Variants in LRP5 observed in about 807,000 individuals in gnomAD.
The protein encoded by LRP5 is LDL receptor related protein 5.
Under a neutral mutation model 154.1 loss-of-function variants are expected in LRP5, and 62 were observed. The ratio of observed to expected loss-of-function variants is 0.40; its 90% confidence interval spans 0.33 to 0.50. LRP5 has a LOEUF of 0.50. Among genes scored for constraint, LRP5 ranks in the 20% least tolerant of loss-of-function variants. The probability of loss-of-function intolerance (pLI) is 0.55; values close to 1 mark genes in which losing one functional copy is unlikely to be tolerated. For synonymous variants in LRP5, 966 were observed against 1,011.5 expected (o/e 0.96, Z 0.85); for missense variants, 1,915 against 2,336.7 (o/e 0.82, Z 3.72).
the LRP5 span, among the ~76,000 whole-genome samples, chr11:68,303,379 G>A: frequency 2.0e-5 from 3 of 152,294 alleles, no homozygotes; most frequent in Non-Finnish European, 2.9e-5. Flanking sequence ...GGTCACTTTC[G>A]TTATGCCTTA....
intron 1 of LRP5, among the ~76,000 whole-genome samples, chr11:68,314,446 G>T (rs1289619617): frequency 6.6e-6 from 1 of 152,214 alleles, no homozygotes; most frequent in Non-Finnish European, 1.5e-5. Flanking sequence ...TGGAAGGAAA[G>T]GGAGGAATCT....
intron 1 of LRP5, among the ~76,000 whole-genome samples, chr11:68,324,831 C>T (rs2098598739): frequency 6.6e-6 from 1 of 152,148 alleles, no homozygotes. Context: ...GCTGTGGGTC[C>T]CTGGGTTGGG....
At chr11:68,414,306 C>T (rs2098661307) in intron 12 of LRP5, among the ~76,000 whole-genome samples, 2 of 152,194 alleles carry the variant, frequency 1.3e-5, no homozygotes, top group Admixed American at 6.5e-5. Flanking sequence ...CTCATACTGC[C>T]AGCACAGTGC....
intron 5 of LRP5, among the ~76,000 whole-genome samples, chr11:68,375,458 C>A (rs1373012453): frequency 6.6e-6 from 1 of 152,214 alleles, no homozygotes; most frequent in Non-Finnish European, 1.5e-5. Flanking sequence ...CCTGCTCGTG[C>A]TGTGCCCACC....
chr11:68,369,718 T>C (rs917641243), intron 5 of LRP5, among the ~76,000 whole-genome samples: 6 of 152,252 alleles, frequency 3.9e-5, no homozygotes, highest in Admixed American at 2.0e-4. Context: ...TAAGGGTCCC[T>C]GTGTGGCTCC....
At position 68,403,481 on chromosome 11, in the gene LRP5, A is replaced by T. The variant is rs779303324; in HGVS notation, c.1585-2A>T. 1 of 1,613,694 alleles carries T rather than the reference A, an allele frequency of 6.2e-7. No individual in the cohort carries two copies. Among genetic ancestry groups the T allele is most frequent in the Non-Finnish European group, 8.5e-7 (1 of 1,179,808 alleles). ...CAGACCTATATTTCTGCCGTCCTGC[A>T]GGTGATCAATGTTGATGGGACGAAG... On this transcript the variant is annotated splice_acceptor_variant, in intron 7 of 22. Transcript: ENST00000294304. LOFTEE classifies it high-confidence loss of function.
In LRP5 at chr11:68,357,831, C is replaced by A. The variant is rs201681766; in HGVS notation, c.670C>A (p.Leu224Met). ...GCTCAGCTTCATCCACCGTGCCAAC[C>A]TGGACGGCTCGTTCCGGTAGGTACC... ...AKLSFIHRAN[L>M]DGSFRQKVVE... The change falls in exon 3 of 23, where the codon CTG becomes ATG. Residue 224 changes from leucine to methionine, a missense_variant. Leu to Met is a conservative substitution (Grantham distance 15, BLOSUM62 2). Coordinates refer to ENST00000294304, the MANE Select transcript of LRP5 (RefSeq NM_002335.4). 8 of 1,612,694 alleles carry A rather than the reference C, an allele frequency of 5.0e-6. No individual in the cohort carries two copies. Among genetic ancestry groups the A allele is most frequent in the Middle Eastern group, 1.7e-4 (1 of 5,988 alleles).
chr11:68,378,438 C>G (rs1677165045), intron 5 of LRP5, among the ~76,000 whole-genome samples: 3 of 152,088 alleles, frequency 2.0e-5, no homozygotes, highest in African/African-American at 7.2e-5. Flanking sequence ...TACCCACACC[C>G]CAGGGCAATT....
At chr11:68,445,793 T>G in intron 21 of LRP5, 1 of 618,612 alleles carries the variant, frequency 1.6e-6, no homozygotes. Context: ...ACGTGGTGAA[T>G]TTGTCTATTT....
intron 5 of LRP5, among the ~76,000 whole-genome samples, chr11:68,374,144 G>A (rs1300364878): frequency 6.6e-6 from 1 of 152,216 alleles, no homozygotes; most frequent in Non-Finnish European, 1.5e-5. Flanking sequence ...GGGGCAGCGG[G>A]AGGAACAGAG....
chr11:68,402,957 ACAT>A (rs747651983), intron 7 of LRP5, among the ~76,000 whole-genome samples: 2 of 152,066 alleles, frequency 1.3e-5, no homozygotes, highest in Non-Finnish European at 2.9e-5. Context: ...CCTAGTGAAA[ACAT>A]CATGGCCGGG....
intron 13 of LRP5, among the ~76,000 whole-genome samples, chr11:68,417,815 A>AT (rs1176204027): frequency 2.0e-5 from 3 of 149,830 alleles, no homozygotes; most frequent in Non-Finnish European, 4.5e-5. Flanking sequence ...GGTGCCTGTA[A>AT]TCCCAGCTAC....
chr11:68,427,646 C>G (rs1264618270), intron 16 of LRP5, among the ~76,000 whole-genome samples: 2 of 151,854 alleles, frequency 1.3e-5, no homozygotes, highest in Admixed American at 6.6e-5. Context: ...CGCCACTGCA[C>G]TCCAGCCTAG....
chr11:68,445,687 G>A (rs1224223026), intron 21 of LRP5: 3 of 1,316,310 alleles, frequency 2.3e-6, no homozygotes, highest in Non-Finnish European at 3.0e-6. Flanking sequence ...CTTGTGGAAG[G>A]TGCAGACCTG....
chr11:68,438,378 C>G (rs1266448482), intron 19 of LRP5, 68 bp from the exon 20 acceptor site: 3 of 1,410,970 alleles, frequency 2.1e-6, no homozygotes, highest in African/African-American at 2.8e-5. Flanking sequence ...CGCACGGTGT[C>G]TGCCCCCAAG....
At position 68,403,492 on chromosome 11, in the gene LRP5, G is replaced by C. The variant is rs1554969579; in HGVS notation, c.1594G>C (p.Val532Leu). ...AKTDKIEVIN[V>L]DGTKRRTLLE... ...TTCTGCCGTCCTGCAGGTGATCAAT[G>C]TTGATGGGACGAAGAGGCGGACCCT... The change falls in exon 8 of 23, where the codon GTT becomes CTT. Residue 532 changes from valine to leucine, a missense_variant. Coordinates refer to ENST00000294304, the MANE Select transcript of LRP5 (RefSeq NM_002335.4). 3.7e-6 allele frequency: 6 copies of C among 1,614,128 alleles called. No individual in the cohort carries two copies. The African/African-American group carries it at 5.3e-5, about 14-fold the overall frequency.
At chr11:68,409,699 A>G (rs944140222) in intron 9 of LRP5, among the ~76,000 whole-genome samples, 17 of 141,250 alleles carry the variant, frequency 1.2e-4, no homozygotes, top group African/African-American at 4.5e-4. Context: ...ATACAAAAAA[A>G]TTAGCCAGGC....
intron 5 of LRP5, among the ~76,000 whole-genome samples, chr11:68,370,120 C>T (rs1364198185): frequency 6.6e-6 from 1 of 152,070 alleles, no homozygotes; most frequent in Admixed American, 6.5e-5. Context: ...AGTAAAGGGG[C>T]GTTGATTTCT....
At chr11:68,390,158 T>A (rs2098645509) in intron 7 of LRP5, 106 bp downstream of exon 7, 5 of 1,362,168 alleles carry the variant, frequency 3.7e-6, no homozygotes, top group Non-Finnish European at 5.1e-6. Flanking sequence ...TGCTCTGCTA[T>A]TTGGCCACAT....
Sources: allele counts gnomAD v4.1 joint callset (sites outside exome capture counted in the v4.1 genomes callset), GRCh38; gene constraint gnomAD v4.1.1; transcripts MANE v1.5; gene names NCBI Gene and HGNC (gene_info 2026-07-23, HGNC 2026-07-21).